Variants in NLGN1 observed in about 807,000 individuals in gnomAD.
NLGN1 encodes the protein neuroligin-1.
Under a neutral mutation model 65.5 loss-of-function variants are expected in NLGN1, and 12 were observed. That is an observed-to-expected ratio of 0.18 (90% CI 0.12 to 0.30). The LOEUF is 0.30. NLGN1 is among the 10% of genes least tolerant of loss of function. NLGN1 has a pLI of 1.00. For synonymous variants in NLGN1, 350 were observed against 359.5 expected (o/e 0.97, Z 0.30); for missense variants, 750 against 1,007.1 (o/e 0.74, Z 3.46).
At chr3:173,846,402 A>T (rs1725802582) in intron 4 of NLGN1, among the ~76,000 whole-genome samples, 1 of 152,186 alleles carries the variant, frequency 6.6e-6, no homozygotes, top group Non-Finnish European at 1.5e-5. Flanking sequence ...ACATACTCCC[A>T]TGTGGGGTAC....
At chr3:174,111,618 T>A (rs1715231738) in intron 4 of NLGN1, among the ~76,000 whole-genome samples, 1 of 151,880 alleles carries the variant, frequency 6.6e-6, no homozygotes, top group Non-Finnish European at 1.5e-5. Flanking sequence ...AATTAATACA[T>A]GTTTATGCAA....
At chr3:174,157,631 C>G (rs9855933) in intron 4 of NLGN1, among the ~76,000 whole-genome samples, 52,550 of 151,554 alleles carry the variant, frequency 0.35, 11,499 homozygotes, top group East Asian at 0.65. Flanking sequence ...ATTTGGACGA[C>G]ATACTTGCAA....
chr3:173,944,017 A>G (rs1266464635), intron 4 of NLGN1, among the ~76,000 whole-genome samples: 3 of 152,198 alleles, frequency 2.0e-5, no homozygotes, highest in Non-Finnish European at 4.4e-5. Flanking sequence ...GACATGTACA[A>G]ATGTGCCAGC....
intron 4 of NLGN1, among the ~76,000 whole-genome samples, chr3:173,960,112 G>A (rs1448697485): frequency 2.0e-5 from 3 of 151,804 alleles, no homozygotes; most frequent in African/African-American, 7.3e-5. Flanking sequence ...TTTTTCCTTG[G>A]CATTACATAA....
At chr3:173,549,570 T>A (rs1577225624) in intron 2 of NLGN1, among the ~76,000 whole-genome samples, 1 of 152,074 alleles carries the variant, frequency 6.6e-6, no homozygotes, top group Admixed American at 6.6e-5. Flanking sequence ...CCTCTCATTT[T>A]ATAACAAAAT....
Position 174,218,983 on chromosome 3 carries a change from C to G in NLGN1, c.647-56332C>G, listed in dbSNP as rs559990013. Among the ~76,000 whole-genome samples, 10 of 152,148 alleles carry G rather than the reference C, an allele frequency of 6.6e-5. No individual in the cohort carries two copies. In the East Asian group the frequency reaches 1.9e-3, roughly 29 times the overall value. ...CCTGATTTATGTTCAGCTGGTGATT[C>G]ATTATGACCTAGATCATTTTCTACC... is the stretch of plus-strand genomic sequence containing the variant. On this transcript the variant is annotated intron_variant, in intron 4 of 6. Coordinates refer to ENST00000457714, the Ensembl canonical transcript of NLGN1.
At chr3:174,163,445 T>C (rs1726938234) in intron 4 of NLGN1, among the ~76,000 whole-genome samples, 1 of 151,996 alleles carries the variant, frequency 6.6e-6, no homozygotes, top group Non-Finnish European at 1.5e-5. Context: ...TTTCCAACTT[T>C]TATTTTAGAC....
At chr3:174,269,979 A>G (rs1364085003) in intron 4 of NLGN1, among the ~76,000 whole-genome samples, 2 of 151,772 alleles carry the variant, frequency 1.3e-5, no homozygotes, top group Non-Finnish European at 2.9e-5. Flanking sequence ...CTTTGAAGAA[A>G]TATCTATTTA....
chr3:174,233,733 A>G (rs114064556), intron 4 of NLGN1, among the ~76,000 whole-genome samples: 1 of 152,080 alleles, frequency 6.6e-6, no homozygotes, highest in African/African-American at 2.4e-5. Context: ...TCTCCACAGC[A>G]TCTTTTTTGG....
intron 1 of NLGN1, among the ~76,000 whole-genome samples, chr3:173,408,252 C>T (rs1711692618): frequency 6.6e-6 from 1 of 152,094 alleles, no homozygotes; most frequent in Admixed American, 6.5e-5. Context: ...TCCAAGCAGT[C>T]CCTCCAGATT....
intron 2 of NLGN1, among the ~76,000 whole-genome samples, chr3:173,597,190 C>T (rs1577452417): frequency 6.6e-6 from 1 of 152,276 alleles, no homozygotes; most frequent in South Asian, 2.1e-4. Flanking sequence ...AGCACAAACT[C>T]CTGTGTCACA....
At chr3:173,603,215 A>C (rs1185543284) in intron 2 of NLGN1, among the ~76,000 whole-genome samples, 2 of 152,162 alleles carry the variant, frequency 1.3e-5, no homozygotes, top group African/African-American at 4.8e-5. Flanking sequence ...GCACTTCAAA[A>C]GGTTGCTTGA....
Position 173,495,710 on chromosome 3 carries a change from A to G in NLGN1, c.-321+60632A>G, listed in dbSNP as rs141631906. Among the ~76,000 whole-genome samples, 54 of 145,926 alleles carry G rather than the reference A, an allele frequency of 3.7e-4. No individual in the cohort carries two copies. The East Asian group carries it at 5.0e-3, about 13-fold the overall frequency. On this transcript the variant is annotated intron_variant, in intron 2 of 6. Coordinates refer to ENST00000457714, the Ensembl canonical transcript of NLGN1. ...AAAAAAAAAAAAACTCTATTGAGGT[A>G]TAAATTACAAACAGCAAAATACACC...
chr3:173,720,994 G>A (rs779154132), intron 3 of NLGN1, among the ~76,000 whole-genome samples: 3 of 152,204 alleles, frequency 2.0e-5, no homozygotes, highest in Non-Finnish European at 2.9e-5. Context: ...CAAAAAGTCA[G>A]GTAGAAGCTT....
intron 4 of NLGN1, among the ~76,000 whole-genome samples, chr3:174,256,414 TA>T (rs1249888966): frequency 6.6e-6 from 1 of 152,210 alleles, no homozygotes; most frequent in African/African-American, 2.4e-5. Context: ...TTATTTTTTC[TA>T]GTGACATAAT....
chr3:173,609,481 T>G (rs1751939764), intron 3 of NLGN1, among the ~76,000 whole-genome samples: 1 of 152,118 alleles, frequency 6.6e-6, no homozygotes, highest in Non-Finnish European at 1.5e-5. Context: ...GTTTGTCTGG[T>G]TGTCTATTTA....
chr3:173,582,695 T>G (rs780273367), intron 2 of NLGN1, among the ~76,000 whole-genome samples: 1 of 152,130 alleles, frequency 6.6e-6, no homozygotes, highest in Non-Finnish European at 1.5e-5. Flanking sequence ...TAATCCTTCT[T>G]TGATTATATG....
intron 3 of NLGN1, among the ~76,000 whole-genome samples, chr3:173,718,726 C>G (rs971558455): frequency 6.6e-6 from 1 of 152,094 alleles, no homozygotes; most frequent in African/African-American, 2.4e-5. Flanking sequence ...TTGTGTGATC[C>G]TATTCAATAT....
chr3:173,781,498 G>A (rs1209433489), intron 3 of NLGN1, among the ~76,000 whole-genome samples: 5 of 152,128 alleles, frequency 3.3e-5, no homozygotes. Context: ...ATTGTAGTTA[G>A]CATTTTGGCT....
Sources: allele counts gnomAD v4.1 joint callset (sites outside exome capture counted in the v4.1 genomes callset), GRCh38; gene constraint gnomAD v4.1.1; transcripts MANE v1.5; gene names NCBI Gene and HGNC (gene_info 2026-07-23, HGNC 2026-07-21).